STAC: variants seen among roughly 807,000 people sequenced by gnomAD.
STAC encodes the protein SH3 and cysteine-rich domain-containing protein.
A neutral mutation model predicts 48.8 loss-of-function variants in STAC; 43 were observed. The observed-to-expected ratio is 0.88, with a 90% confidence interval of 0.69 to 1.14. STAC has a LOEUF of 1.14. STAC is among the 50% of genes most tolerant of loss of function. The pLI is 0.00. For missense variants in STAC, 497 were observed against 504.0 expected (o/e 0.99, Z 0.13); for synonymous variants, 193 against 179.5 (o/e 1.07, Z -0.60).
Position 36,443,712 on chromosome 3 carries a change from T to A in STAC, c.388+72T>A. ...CTGAGTGAGAGTGGTGTGCCACGGG[T>A]CCAGGTACCTACGGACAGATGCTAG... On this transcript the variant is annotated intron_variant, in intron 2 of 10. Transcript: ENST00000273183. This position sits in a 1 kb window ranked among gnomAD's most constrained non-coding sequence, Gnocchi z 4.2. 6.4e-7 allele frequency: 1 copy of A among 1,564,980 alleles called. No individual in the cohort carries two copies.
intron 10 of STAC, among the ~76,000 whole-genome samples, chr3:36,534,098 A>C (rs1240575997): frequency 1.3e-5 from 2 of 152,192 alleles, no homozygotes; most frequent in Non-Finnish European, 2.9e-5. Flanking sequence ...AGATTTCAAA[A>C]TATGCTTGTT....
intron 1 of STAC, among the ~76,000 whole-genome samples, chr3:36,401,304 A>G (rs1048924292): frequency 8.5e-5 from 13 of 152,190 alleles, no homozygotes; most frequent in African/African-American, 3.1e-4. Context: ...CATCCACAGC[A>G]TGAGCCTGCC....
chr3:36,529,198 A>G (rs1699008592), intron 10 of STAC: 2 of 374,098 alleles, frequency 5.3e-6, no homozygotes, highest in Admixed American at 4.2e-5. Context: ...CTGTTCATAA[A>G]CGAAACGTGA....
chr3:36,536,247 T>C (rs1699195954), intron 10 of STAC, among the ~76,000 whole-genome samples: 1 of 152,102 alleles, frequency 6.6e-6, no homozygotes, highest in Non-Finnish European at 1.5e-5. Context: ...AAAAAACTAC[T>C]TTAAAATTCT....
intron 1 of STAC, among the ~76,000 whole-genome samples, chr3:36,422,564 TAATA>T (rs1358297682): frequency 6.6e-6 from 1 of 152,160 alleles, no homozygotes; most frequent in Non-Finnish European, 1.5e-5. Context: ...GACAATTTTT[TAATA>T]AATATGTAAA....
rs757829044 is a variant in STAC at position 36,546,557 on chromosome 3, A to G, written c.*268A>G. The G allele has an allele frequency of 1.9e-6, 1 of 524,612 alleles. No homozygotes were observed. The highest frequency in any genetic ancestry group is 3.4e-6 in the Non-Finnish European group (1 of 293,092). The allele number at this position is 524,612 out of a possible 1,614,324, so 32.5% of individuals were successfully genotyped here. ...CATGCTTGGCAGCAGCAGTAGGACT[A>G]TAAACCACAGCTGTCCCCCAGGATC... On this transcript the variant is annotated 3_prime_UTR_variant, in exon 11 of 11. Coordinates refer to ENST00000273183, the MANE Select transcript of STAC (RefSeq NM_003149.3).
At chr3:36,541,783 G>T (rs978057786) in intron 10 of STAC, among the ~76,000 whole-genome samples, 4 of 152,134 alleles carry the variant, frequency 2.6e-5, no homozygotes, top group African/African-American at 7.2e-5. Context: ...TACATGGTTA[G>T]GTATGTGCTG....
chr3:36,445,010 C>A (rs1696469494), intron 2 of STAC, among the ~76,000 whole-genome samples: 1 of 152,222 alleles, frequency 6.6e-6, no homozygotes, highest in Non-Finnish European at 1.5e-5. Flanking sequence ...TCAATTTCCA[C>A]ACACATTTCC....
intron 1 of STAC, among the ~76,000 whole-genome samples, chr3:36,390,066 G>T (rs1019990043): frequency 6.6e-6 from 1 of 152,146 alleles, no homozygotes; most frequent in African/African-American, 2.4e-5. Flanking sequence ...GCTGGCACAT[G>T]ACTTAACTTT....
Position 36,448,184 on chromosome 3 carries a change from TTTTAC to T in STAC, c.388+4549_388+4553del, listed in dbSNP as rs569345790. ...TTTTATTTTATTTTATTTTATTTTA[TTTTAC>T]TTTATTTTACTTTATTTTATTTTAC... On this transcript the variant is annotated intron_variant, in intron 2 of 10. Coordinates refer to ENST00000273183, the MANE Select transcript of STAC (RefSeq NM_003149.3). Among the ~76,000 whole-genome samples the T allele has an allele frequency of 4.3e-3, 352 of 82,232 alleles. 1 individual carries two copies. Among genetic ancestry groups the T allele is most frequent in the Non-Finnish European group, 7.3e-3 (240 of 32,818 alleles). 53.9% of individuals were successfully genotyped at this position (82,232 alleles called of 152,430 possible).
intron 8 of STAC, among the ~76,000 whole-genome samples, chr3:36,508,010 T>G (rs546710897): frequency 6.6e-6 from 1 of 152,320 alleles, no homozygotes; most frequent in East Asian, 1.9e-4. Flanking sequence ...AATTGTGATG[T>G]TAGGGTATCG....
intron 1 of STAC, among the ~76,000 whole-genome samples, chr3:36,430,660 T>G (rs1350414662): frequency 6.6e-6 from 1 of 152,216 alleles, no homozygotes; most frequent in Non-Finnish European, 1.5e-5. Flanking sequence ...TTGCTAGAGC[T>G]GCCATAACAG....
At chr3:36,427,558 G>A (rs1200744375) in intron 1 of STAC, among the ~76,000 whole-genome samples, 1 of 152,098 alleles carries the variant, frequency 6.6e-6, no homozygotes, top group East Asian at 1.9e-4. Flanking sequence ...TCATCTAGTA[G>A]TTAAGTCTAC....
intron 2 of STAC, among the ~76,000 whole-genome samples, chr3:36,456,067 G>GCACA (rs10633221): frequency 0.012 from 1,767 of 150,254 alleles, 23 homozygotes; most frequent in African/African-American, 0.037. Context: ...ACACACGTGC[G>GCACA]CACACACACA....
At chr3:36,416,882 G>C (rs1700331825) in intron 1 of STAC, among the ~76,000 whole-genome samples, 1 of 152,170 alleles carries the variant, frequency 6.6e-6, no homozygotes, top group South Asian at 2.1e-4. Context: ...ATGCACCAAA[G>C]AGCAGGCTTC....
intron 10 of STAC, among the ~76,000 whole-genome samples, chr3:36,539,726 A>T (rs530342676): frequency 6.6e-6 from 1 of 152,110 alleles, no homozygotes; most frequent in South Asian, 2.1e-4. Context: ...TCCTTATAAC[A>T]CTGAGGCCAA....
At position 36,400,159 on chromosome 3, in the gene STAC, G is replaced by A. The variant is rs576534384; in HGVS notation, c.111+19405G>A. The stretch of plus-strand genomic sequence containing the variant: ...CAGTTTCACACAGGATAAGTAGTTC[G>A]TTGTCAAATTCAGGTCACCTGACTC... On this transcript the variant is annotated intron_variant, in intron 1 of 10. Coordinates refer to ENST00000273183, the MANE Select transcript of STAC (RefSeq NM_003149.3). Among the ~76,000 whole-genome samples the A allele has an allele frequency of 9.2e-5, 14 of 152,246 alleles. No homozygotes were observed. In the South Asian group the frequency reaches 1.2e-3, roughly 14 times the overall value.
chr3:36,524,995 T>C (rs1026293224), intron 8 of STAC, among the ~76,000 whole-genome samples: 14 of 152,334 alleles, frequency 9.2e-5, no homozygotes, highest in Non-Finnish European at 1.8e-4. Flanking sequence ...TCATAGTCCT[T>C]ATGCCAATTT....
intron 8 of STAC, among the ~76,000 whole-genome samples, chr3:36,520,512 G>T (rs1223995434): frequency 6.6e-6 from 1 of 152,152 alleles, no homozygotes; most frequent in African/African-American, 2.4e-5. Flanking sequence ...ACCCTGCAAG[G>T]TTTCAAGGCA....
Sources: gnomAD v4.1 joint callset for allele counts (sites outside exome capture counted in the v4.1 genomes callset) on GRCh38, gnomAD v4.1.1 for gene constraint, Gnocchi (gnomAD v3.1) non-coding constraint, MANE v1.5 for transcripts, NCBI Gene and HGNC (gene_info 2026-07-23, HGNC 2026-07-21) for gene names.